Variants in LRFN5 observed in about 807,000 individuals in gnomAD.
LRFN5 encodes the protein leucine-rich repeat and fibronectin type-III domain-containing protein 5.
In LRFN5, 24 loss-of-function variants were observed where a neutral mutation model predicts 45.6. The ratio of observed to expected loss-of-function variants is 0.53; its 90% CI spans 0.38 to 0.74. LRFN5 has a LOEUF of 0.74. Among genes scored for constraint, LRFN5 ranks in the 30% least tolerant of loss-of-function variants. The pLI, the probability that LRFN5 is intolerant of heterozygous loss-of-function variation, is 0.00. For missense variants in LRFN5, 776 were observed against 861.5 expected (o/e 0.90, Z 1.24); for synonymous variants, 340 against 313.8 (o/e 1.08, Z -0.88).
chr14:41,894,716 A>G, intron 4 of LRFN5: 3 of 985,162 alleles, frequency 3.0e-6, no homozygotes, highest in Non-Finnish European at 2.4e-6. Context: ...TGTTGCTTAG[A>G]TGAATGAATG....
chr14:41,624,998 T>C (rs940866884), intron 1 of LRFN5, among the ~76,000 whole-genome samples: 2 of 152,190 alleles, frequency 1.3e-5, no homozygotes, highest in Non-Finnish European at 2.9e-5. Flanking sequence ...AGTTTAATTT[T>C]TAATGAAGCA....
chr14:41,868,876 G>A (rs1037771328), intron 2 of LRFN5, among the ~76,000 whole-genome samples: 29 of 152,110 alleles, frequency 1.9e-4, no homozygotes, highest in African/African-American at 4.8e-4. Context: ...AATTGAACAT[G>A]CCAGTACCTT....
chr14:41,673,210 C>G (rs948357460), intron 1 of LRFN5, among the ~76,000 whole-genome samples: 2 of 152,024 alleles, frequency 1.3e-5, no homozygotes, highest in East Asian at 1.9e-4. Context: ...CATCATGGCC[C>G]GTTCTCAATG....
intron 2 of LRFN5, among the ~76,000 whole-genome samples, chr14:41,841,363 G>C (rs942154268): frequency 3.3e-5 from 5 of 151,908 alleles, no homozygotes; most frequent in African/African-American, 1.2e-4. Flanking sequence ...ATTTAGGGCT[G>C]TAGAGATAAA....
At chr14:41,858,732 C>G (rs905601035) in intron 2 of LRFN5, among the ~76,000 whole-genome samples, 4 of 152,152 alleles carry the variant, frequency 2.6e-5, no homozygotes, top group Non-Finnish European at 4.4e-5. Context: ...CATGGTTTTA[C>G]TCATTCCAGT....
intron 1 of LRFN5, among the ~76,000 whole-genome samples, chr14:41,751,620 G>C (rs1234470342): frequency 6.6e-6 from 1 of 151,976 alleles, no homozygotes; most frequent in Non-Finnish European, 1.5e-5. Flanking sequence ...TGCACACTCT[G>C]AGGATGCAGA....
At chr14:41,894,583 G>A in intron 4 of LRFN5, 1 of 973,450 alleles carries the variant, frequency 1.0e-6, no homozygotes, top group Non-Finnish European at 1.2e-6. Context: ...AAATTTTTTT[G>A]TATTTGTTTA....
chr14:41,836,886 T>G (rs1279065280), intron 2 of LRFN5, among the ~76,000 whole-genome samples: 1 of 152,020 alleles, frequency 6.6e-6, no homozygotes, highest in South Asian at 2.1e-4. Flanking sequence ...GTGAGGAAGA[T>G]AGTAGCAGCA....
At chr14:41,884,488 G>A (rs750741851) in intron 2 of LRFN5, among the ~76,000 whole-genome samples, 3 of 152,098 alleles carry the variant, frequency 2.0e-5, no homozygotes, top group African/African-American at 4.8e-5. Context: ...TTCAAGAGGC[G>A]GAAGAAGAGA....
intron 2 of LRFN5, among the ~76,000 whole-genome samples, chr14:41,819,842 G>T (rs1411074061): frequency 6.6e-6 from 1 of 152,050 alleles, no homozygotes; most frequent in Non-Finnish European, 1.5e-5. Flanking sequence ...TCTACATGAG[G>T]TTTGGGTGGA....
At chr14:41,690,989 A>G (rs897206115) in intron 1 of LRFN5, among the ~76,000 whole-genome samples, 1 of 152,032 alleles carries the variant, frequency 6.6e-6, no homozygotes, top group African/African-American at 2.4e-5. Context: ...ATAAAAGAGA[A>G]ACACTTATAC....
chr14:41,794,567 G>A (rs1477193177), intron 2 of LRFN5, among the ~76,000 whole-genome samples: 1 of 151,992 alleles, frequency 6.6e-6, no homozygotes, highest in Non-Finnish European at 1.5e-5. Context: ...TGCAGGATAA[G>A]TGCATAAAGG....
intron 2 of LRFN5, among the ~76,000 whole-genome samples, chr14:41,864,566 G>C (rs1367605564): frequency 2.0e-5 from 3 of 152,150 alleles, no homozygotes; most frequent in African/African-American, 7.2e-5. Context: ...CCCTACTCCA[G>C]TGTGACTTTA....
intron 1 of LRFN5, chr14:41,731,683 A>T (rs1884183496): frequency 6.6e-6 from 1 of 152,152 alleles, no homozygotes. Flanking sequence ...CTTCAACTTT[A>T]GCCATCATCA....
rs1566603382 is a variant in LRFN5 at position 41,650,261 on chromosome 14, AC to A, written c.-197+41700del. On this transcript the variant is annotated intron_variant, in intron 1 of 5. Transcript: ENST00000298119. ...TACACACACACACACACACACACAC[AC>A]ACACAAAAAAAAAAAAGATACTTGC... is the stretch of plus-strand genomic sequence containing the variant. 1.6e-3 allele frequency among the ~76,000 whole-genome samples: 234 copies of A among 145,920 alleles called. 1 individual carries two copies. The highest frequency in any genetic ancestry group is 5.9e-3 in the African/African-American group (224 of 38,226).
intron 1 of LRFN5, among the ~76,000 whole-genome samples, chr14:41,676,147 T>C (rs1028534877): frequency 1.1e-4 from 16 of 152,342 alleles, no homozygotes; most frequent in African/African-American, 3.8e-4. Context: ...TTTCAGCAAA[T>C]GCCCCTTCAA....
At position 41,894,794 on chromosome 14, in the gene LRFN5, A is replaced by G; in HGVS notation, c.2098+2832A>G. 4.1e-6 allele frequency: 4 copies of G among 981,830 alleles called. No homozygotes were observed. The South Asian group carries it at 1.4e-4, about 35-fold the overall frequency. The allele number at this position is 981,830 out of a possible 1,614,324, so 60.8% of individuals were successfully genotyped here. Reference sequence around the variant, plus strand: ...AATAAGAATTTTCATTTGTTAGTACAATACAGATTTGTTATCTAAATATTA... The same window carrying G: ...AATAAGAATTTTCATTTGTTAGTACGATACAGATTTGTTATCTAAATATTA... On this transcript the variant is annotated intron_variant, in intron 4 of 5. Coordinates refer to ENST00000298119, the MANE Select transcript of LRFN5 (RefSeq NM_152447.5).
chr14:41,666,440 T>C (rs901094231), intron 1 of LRFN5, among the ~76,000 whole-genome samples: 42 of 152,090 alleles, frequency 2.8e-4, no homozygotes, highest in African/African-American at 1.0e-3. Context: ...TGATCCATCT[T>C]AGTGTTTAGC....
chr14:41,887,466 G>C lies in LRFN5; in HGVS notation c.841G>C (p.Glu281Gln), dbSNP rs1890614863. The change falls in exon 3 of 6, where the codon GAG (glutamate) becomes CAG (glutamine). Residue 281 changes from glutamate to glutamine, a missense_variant. Around this residue, in one of 2 missense-constraint regions of LRFN5, gnomAD observed 311 missense variants for 405.1 expected, o/e 0.77. Coordinates refer to ENST00000298119, the MANE Select transcript of LRFN5 (RefSeq NM_152447.5). This position sits in a 1 kb window ranked among gnomAD's most constrained non-coding sequence, Gnocchi z 4.8. ...GRYFWSIPEEEFLCEPPLITR... is the reference protein window; with the variant it reads ...GRYFWSIPEEQFLCEPPLITR... The stretch of plus-strand genomic sequence containing the variant: ...CTACTTTTGGTCAATTCCTGAAGAA[G>C]AGTTTTTGTGTGAGCCTCCTCTCAT... 6.2e-7 allele frequency: 1 copy of C among 1,614,182 alleles called. No individual in the cohort carries two copies. The highest frequency in any genetic ancestry group is 8.5e-7 in the Non-Finnish European group (1 of 1,180,036).
Sources: allele counts gnomAD v4.1 joint callset (sites outside exome capture counted in the v4.1 genomes callset), GRCh38; gene constraint gnomAD v4.1.1; regional missense constraint gnomAD v4.1.1; non-coding constraint Gnocchi (gnomAD v3.1); transcripts MANE v1.5; gene names NCBI Gene and HGNC (gene_info 2026-07-23, HGNC 2026-07-21).